IL1RAPL2: variants seen among roughly 807,000 people sequenced by gnomAD.
The protein encoded by IL1RAPL2 is interleukin 1 receptor accessory protein like 2, also known as X-linked interleukin-1 receptor accessory protein-like 2.
A neutral mutation model predicts 44.1 loss-of-function variants in IL1RAPL2; 3 were observed. That is an observed-to-expected ratio of 0.07 (90% CI 0.03 to 0.18). The LOEUF (loss-of-function observed/expected upper bound fraction) is 0.18. Among genes scored for constraint, IL1RAPL2 ranks in the 10% least tolerant of loss-of-function variants. The pLI is 1.00. For missense variants in IL1RAPL2, 391 were observed against 496.4 expected (o/e 0.79, Z 2.02); for synonymous variants, 181 against 178.8 (o/e 1.01, Z -0.10).
At chrX:104,932,230 C>T (rs1283077260) in intron 2 of IL1RAPL2, among the ~76,000 whole-genome samples, 1 of 109,243 alleles carries the variant, frequency 9.2e-6, no homozygotes, top group Non-Finnish European at 1.9e-5. Flanking sequence ...AACTGCTGAC[C>T]TCAGGAGATC....
chrX:104,975,780 G>A (rs2030321550), intron 2 of IL1RAPL2, among the ~76,000 whole-genome samples: 1 of 111,858 alleles, frequency 8.9e-6, no homozygotes, highest in Non-Finnish European at 1.9e-5. Context: ...TATTTTCCTG[G>A]GCAGTGTGGG....
chrX:105,053,808 A>G (rs5916859), intron 2 of IL1RAPL2, among the ~76,000 whole-genome samples: 51,431 of 110,429 alleles, frequency 0.47, 9,422 homozygotes, highest in East Asian at 0.75. Context: ...ATGTTAAACA[A>G]TGAAATAAAT....
chrX:104,722,883 A>G (rs1931710845), intron 2 of IL1RAPL2, among the ~76,000 whole-genome samples: 1 of 111,828 alleles, frequency 8.9e-6, no homozygotes, highest in Non-Finnish European at 1.9e-5. Context: ...AATGCAGAGC[A>G]TGCATTCTAA....
chrX:104,589,178 G>A (rs1196863340), intron 1 of IL1RAPL2, among the ~76,000 whole-genome samples: 1 of 111,386 alleles, frequency 9.0e-6, no homozygotes, highest in Non-Finnish European at 1.9e-5. Flanking sequence ...GGATTAATAG[G>A]CTCTGCATAT....
intron 2 of IL1RAPL2, among the ~76,000 whole-genome samples, chrX:105,045,718 T>C (rs1273160601): frequency 5.4e-5 from 6 of 110,553 alleles, no homozygotes; most frequent in Admixed American, 9.7e-5. Flanking sequence ...TGGCTAACTT[T>C]TTAAAATTTT....
chrX:104,857,269 G>A (rs1922390195), intron 2 of IL1RAPL2, among the ~76,000 whole-genome samples: 1 of 111,815 alleles, frequency 8.9e-6, no homozygotes, highest in Non-Finnish European at 1.9e-5. Context: ...TAGGACATAA[G>A]ATGTTAAAGC....
intron 5 of IL1RAPL2, among the ~76,000 whole-genome samples, chrX:105,414,716 T>A (rs1467962005): frequency 1.8e-5 from 2 of 111,947 alleles, no homozygotes; most frequent in African/African-American, 6.5e-5. Context: ...GTATACCTTC[T>A]CTGGAATCCC....
At chrX:104,673,604 C>G (rs1370939694) in intron 2 of IL1RAPL2, among the ~76,000 whole-genome samples, 2 of 110,891 alleles carry the variant, frequency 1.8e-5, no homozygotes, top group Non-Finnish European at 3.8e-5. Context: ...TCCATATGAA[C>G]TTTAAAGTAG....
intron 5 of IL1RAPL2, among the ~76,000 whole-genome samples, chrX:105,479,019 T>C (rs2036215939): frequency 1.8e-5 from 2 of 112,031 alleles, no homozygotes; most frequent in Admixed American, 9.5e-5. Flanking sequence ...GAGTAGTCAA[T>C]GCTTTAGGAT....
rs1221989748 is a variant in IL1RAPL2 at position 105,222,773 on chromosome X, A to G, written c.357-11045A>G. 2.7e-5 allele frequency among the ~76,000 whole-genome samples: 3 copies of G among 111,916 alleles called. No homozygotes were observed. The East Asian group carries it at 8.4e-4, about 31-fold the overall frequency. ...CCCAGGTTTCTGGTATAGGGGACTA[A>G]GTAGATAGCCCTGTTATTGACTAGT... is the stretch of plus-strand genomic sequence containing the variant. On this transcript the variant is annotated intron_variant, in intron 3 of 10. Coordinates refer to ENST00000372582, the MANE Select transcript of IL1RAPL2 (RefSeq NM_017416.2).
rs186599831 is a variant in IL1RAPL2 at position 104,696,050 on chromosome X, C to T, written c.82+37055C>T. On this transcript the variant is annotated intron_variant, in intron 2 of 10. Transcript: ENST00000372582. ...CTCGAACTCCTGACCTCAAGTGATC[C>T]GCCCTTCTCAGCCTCCCAAAGTGCT... Among the ~76,000 whole-genome samples, 10 of 111,517 alleles carry T rather than the reference C, an allele frequency of 9.0e-5. No individual in the cohort carries two copies. In the East Asian group the frequency reaches 1.4e-3, roughly 16 times the overall value.
Position 105,665,340 on chromosome X carries a change from C to T in IL1RAPL2, c.773-52027C>T, listed in dbSNP as rs1366848182. 3.9e-5 allele frequency among the ~76,000 whole-genome samples: 3 copies of T among 76,605 alleles called. No individual in the cohort carries two copies. In the Admixed American group the frequency reaches 3.9e-4, roughly 10 times the overall value. 66.5% of individuals were successfully genotyped at this position (76,605 alleles called of 115,157 possible). A position where few individuals can be genotyped will look rare whatever the true frequency, so the allele number is the denominator to read the frequency against. ...ATTTTATGAGCCTTTATTTTATGCGCGTGCGTGTGTGTGTGTGTGTGTGTG... is the reference window on the plus strand; with the variant it reads ...ATTTTATGAGCCTTTATTTTATGCGTGTGCGTGTGTGTGTGTGTGTGTGTG... On this transcript the variant is annotated intron_variant, in intron 6 of 10. Coordinates refer to ENST00000372582, the MANE Select transcript of IL1RAPL2 (RefSeq NM_017416.2).
At chrX:104,650,740 C>T (rs367583321) in intron 1 of IL1RAPL2, among the ~76,000 whole-genome samples, 1 of 111,758 alleles carries the variant, frequency 8.9e-6, no homozygotes, top group Non-Finnish European at 1.9e-5. Flanking sequence ...ATGCATGTAT[C>T]GCCACAGTGA....
chrX:104,643,319 A>G (rs1294908437), intron 1 of IL1RAPL2, among the ~76,000 whole-genome samples: 1 of 112,018 alleles, frequency 8.9e-6, no homozygotes, highest in African/African-American at 3.2e-5. Context: ...TGTGAACACC[A>G]GTGATCTGGA....
At chrX:105,529,456 T>C (rs2036617290) in intron 6 of IL1RAPL2, among the ~76,000 whole-genome samples, 1 of 111,186 alleles carries the variant, frequency 9.0e-6, no homozygotes, top group Non-Finnish European at 1.9e-5. Flanking sequence ...ATTCCACACA[T>C]ATAAGTTGGT....
chrX:105,139,742 C>T (rs1351004033), intron 2 of IL1RAPL2, among the ~76,000 whole-genome samples: 2 of 111,964 alleles, frequency 1.8e-5, no homozygotes, highest in African/African-American at 6.5e-5. Context: ...GACCTGACTT[C>T]CAACTACTAC....
intron 2 of IL1RAPL2, among the ~76,000 whole-genome samples, chrX:104,702,773 T>C (rs951529247): frequency 9.0e-6 from 1 of 111,167 alleles, no homozygotes; most frequent in Admixed American, 9.6e-5. Flanking sequence ...CCCCTTCTGC[T>C]GAGATTTGTG....
At chrX:105,511,714 T>G (rs1051450281) in intron 6 of IL1RAPL2, among the ~76,000 whole-genome samples, 6 of 111,764 alleles carry the variant, frequency 5.4e-5, no homozygotes, top group Non-Finnish European at 1.1e-4. Flanking sequence ...ACTTTAACTT[T>G]GAGAATGACT....
intron 2 of IL1RAPL2, among the ~76,000 whole-genome samples, chrX:104,843,930 G>T (rs1030197564): frequency 9.0e-6 from 1 of 110,792 alleles, no homozygotes; most frequent in African/African-American, 3.3e-5. Context: ...GAGAATGTGT[G>T]AGATTTAATT....
Sources: gnomAD v4.1 joint callset for allele counts (sites outside exome capture counted in the v4.1 genomes callset) on GRCh38, gnomAD v4.1.1 for gene constraint, MANE v1.5 for transcripts, NCBI Gene and HGNC (gene_info 2026-07-23, HGNC 2026-07-21) for gene names.